Variants in TENM3 observed in about 807,000 individuals in gnomAD.
TENM3 encodes the protein teneurin-3.
Under a neutral mutation model 255.1 loss-of-function variants are expected in TENM3, and 63 were observed. That is an observed-to-expected ratio of 0.25 (90% CI 0.20 to 0.30). The LOEUF is 0.30. Ranked by LOEUF, TENM3 falls within the 10% of genes least tolerant of loss-of-function variation. TENM3 has a pLI of 1.00. For missense variants in TENM3, 2,929 were observed against 3,461.1 expected, an observed-to-expected ratio of 0.85 and a Z score of 3.86; for synonymous variants, 1,306 against 1,322.3, an observed-to-expected ratio of 0.99 and a Z score of 0.27.
rs753068447 is a variant in TENM3, at chr4:182,688,197, C to T, written c.2067C>T (p.Gly689=). The change falls in exon 12 of 28, where the codon GGC becomes GGT. Residue 689 remains glycine, a synonymous_variant. Transcript: ENST00000511685. Reference sequence around the variant, plus strand: ...GTTCTGTGGACTGTGGCTCACACGGCGTTTGCATGGGGGGGACGTGTCGCT... The same window carrying T: ...GTTCTGTGGACTGTGGCTCACACGGTGTTTGCATGGGGGGGACGTGTCGCT... ...EICSVDCGSH[G]VCMGGTCRCE... 14 of 1,613,052 alleles carry T rather than the reference C, an allele frequency of 8.7e-6. No homozygotes were observed. The highest frequency in any genetic ancestry group is 1.1e-5 in the South Asian group (1 of 90,952).
At chr4:182,165,844 C>T (rs1017850194) in intron 1 of TENM3, among the ~76,000 whole-genome samples, 12 of 152,102 alleles carry the variant, frequency 7.9e-5, no homozygotes, top group Admixed American at 5.9e-4. Flanking sequence ...GGCGTGCTCT[C>T]GGCTCACTAC....
chr4:182,680,439 G>GC lies in TENM3; in HGVS notation c.1639+90_1639+91insC, dbSNP rs200400983. The GC allele has an allele frequency of 4.6e-4, 646 of 1,417,080 alleles. 2 individuals are homozygous for GC. Among genetic ancestry groups the GC allele is most frequent in the Non-Finnish European group, 5.7e-4 (571 of 1,005,250 alleles). The allele number at this position is 1,417,080 out of a possible 1,614,324, so 87.8% of individuals were successfully genotyped here. Reference sequence around the variant, plus strand: ...AAAACTACCGAGACAGGAAAGAAAGGGGGGGGGAGACTGGCATATTGCTTG... The same window carrying GC: ...AAAACTACCGAGACAGGAAAGAAAGGCGGGGGGGAGACTGGCATATTGCTTG... On this transcript the variant is annotated intron_variant, in intron 9 of 27. Transcript: ENST00000511685.
At chr4:182,262,132 T>C (rs1207755092) in intron 1 of TENM3, among the ~76,000 whole-genome samples, 3 of 152,224 alleles carry the variant, frequency 2.0e-5, no homozygotes, top group Non-Finnish European at 4.4e-5. Flanking sequence ...TGCATTTTTT[T>C]ACAGCAATTA....
At chr4:181,944,430 C>T in the TENM3 span, among the ~76,000 whole-genome samples, 7 of 150,896 alleles carry the variant, frequency 4.6e-5, no homozygotes, top group South Asian at 6.3e-4. Flanking sequence ...CCCACACTGG[C>T]GAAGGGGGAT....
At chr4:181,912,257 GTCTCA>G in the TENM3 span, among the ~76,000 whole-genome samples, 3 of 152,198 alleles carry the variant, frequency 2.0e-5, no homozygotes, top group African/African-American at 7.2e-5. Context: ...GATAGGATGG[GTCTCA>G]AAGCTTCATT....
chr4:182,535,836 C>A (rs1740250071), intron 3 of TENM3, among the ~76,000 whole-genome samples: 1 of 151,806 alleles, frequency 6.6e-6, no homozygotes, highest in African/African-American at 2.4e-5. Context: ...ATAATACCTA[C>A]CTCTCAGGAT....
the TENM3 span, among the ~76,000 whole-genome samples, chr4:182,098,963 CTT>C: frequency 1.5e-5 from 2 of 131,220 alleles, no homozygotes; most frequent in Non-Finnish European, 1.6e-5. Context: ...CTCTTTTTTT[CTT>C]TTTTTTTTTT....
At chr4:182,634,783 C>A (rs1211112363) in intron 5 of TENM3, among the ~76,000 whole-genome samples, 1 of 151,398 alleles carries the variant, frequency 6.6e-6, no homozygotes, top group East Asian at 1.9e-4. Context: ...GGAGAAGAGT[C>A]CATGTTCTGC....
At chr4:182,093,506 A>C in the TENM3 span, among the ~76,000 whole-genome samples, 1 of 152,202 alleles carries the variant, frequency 6.6e-6, no homozygotes, top group Admixed American at 6.5e-5. Context: ...CGAAAGAACT[A>C]CGTGATAGGA....
At chr4:181,767,550 A>C in the TENM3 span, among the ~76,000 whole-genome samples, 4 of 152,006 alleles carry the variant, frequency 2.6e-5, no homozygotes, top group African/African-American at 9.7e-5. Context: ...TCTGTGGTCT[A>C]TGTATATGGC....
At chr4:181,869,257 G>A in the TENM3 span, among the ~76,000 whole-genome samples, 1 of 151,980 alleles carries the variant, frequency 6.6e-6, no homozygotes, top group African/African-American at 2.4e-5. Flanking sequence ...TTAAATTTTA[G>A]GAAACACTTC....
intron 1 of TENM3, among the ~76,000 whole-genome samples, chr4:182,258,017 A>G (rs1031533872): frequency 6.6e-6 from 1 of 152,154 alleles, no homozygotes; most frequent in Non-Finnish European, 1.5e-5. Flanking sequence ...TCAGGAGTAT[A>G]TAGTATAAAT....
chr4:182,798,480 G>T (rs142601638), intron 27 of TENM3, among the ~76,000 whole-genome samples: 11 of 152,348 alleles, frequency 7.2e-5, no homozygotes, highest in Non-Finnish European at 7.3e-5. Context: ...ATCTAGGTTT[G>T]TGTAAGTGCC....
At chr4:182,361,747 C>G (rs1355002133) in intron 3 of TENM3, among the ~76,000 whole-genome samples, 6 of 152,240 alleles carry the variant, frequency 3.9e-5, no homozygotes, top group Middle Eastern at 3.4e-3. Flanking sequence ...CAGCTTTGTT[C>G]CATTGCTGGT....
intron 22 of TENM3, 75 bp from the exon 23 acceptor site, chr4:182,773,397 C>A: frequency 7.4e-7 from 1 of 1,347,280 alleles, no homozygotes; most frequent in Non-Finnish European, 1.0e-6. Context: ...ACTAATATTG[C>A]TACACATTAT....
At chr4:181,459,190 G>A in the TENM3 span, among the ~76,000 whole-genome samples, 1 of 151,688 alleles carries the variant, frequency 6.6e-6, no homozygotes, top group Admixed American at 6.6e-5. Flanking sequence ...ATTAGTTATG[G>A]GATAGCTTCT....
At chr4:182,267,637 A>G (rs1475505810) in intron 1 of TENM3, among the ~76,000 whole-genome samples, 1 of 152,074 alleles carries the variant, frequency 6.6e-6, no homozygotes, top group African/African-American at 2.4e-5. Flanking sequence ...GGAGTGTGCA[A>G]ACCCATGACT....
chr4:182,760,048 T>C (rs1226829645), intron 22 of TENM3, among the ~76,000 whole-genome samples: 1 of 152,198 alleles, frequency 6.6e-6, no homozygotes, highest in African/African-American at 2.4e-5. Context: ...AATTATTCAT[T>C]ACGGACTGAG....
At chr4:182,004,102 AC>A in the TENM3 span, among the ~76,000 whole-genome samples, 1 of 152,088 alleles carries the variant, frequency 6.6e-6, no homozygotes, top group African/African-American at 2.4e-5. Context: ...TTCTAAAAAA[AC>A]AAAACAAAAC....
Sources: gnomAD v4.1 joint callset for allele counts (sites outside exome capture counted in the v4.1 genomes callset) on GRCh38, gnomAD v4.1.1 for gene constraint, MANE v1.5 for transcripts, NCBI Gene and HGNC (gene_info 2026-07-23, HGNC 2026-07-21) for gene names.